The following COMMD10 variants were observed in gnomAD, a reference collection of about 807,000 sequenced individuals.
COMMD10 encodes COMM domain containing 10.
Under a neutral mutation model 28.9 loss-of-function variants are expected in COMMD10, and 33 were observed. The ratio of observed to expected loss-of-function variants is 1.14; its 90% CI spans 0.87 to 1.53. The LOEUF (loss-of-function observed/expected upper bound fraction) is 1.53. Among genes scored for constraint, COMMD10 ranks in the 40% most tolerant of loss-of-function variants. COMMD10 has a pLI of 0.00. For missense variants in COMMD10, 310 were observed against 233.4 expected, an observed-to-expected ratio of 1.33 and a Z score of -2.14; for synonymous variants, 110 against 81.7, an observed-to-expected ratio of 1.35 and a Z score of -1.87.
rs373931132 is a variant in COMMD10, at chr5:116,128,609, AT to A, written c.400-5458del. On this transcript the variant is annotated intron_variant, in intron 4 of 6. Transcript: ENST00000274458. ...TGGTGATTGTCTTATTTGCTTAGTT[AT>A]GAGTCTCAGGAATAATTAAATGGTA... 1.9e-3 allele frequency among the ~76,000 whole-genome samples: 288 copies of A among 152,148 alleles called. 3 individuals are homozygous for A. Among genetic ancestry groups the A allele is most frequent in the African/African-American group, 6.5e-3 (272 of 41,550 alleles).
chr5:116,100,260 T>C (rs1750614069), intron 4 of COMMD10, among the ~76,000 whole-genome samples: 1 of 152,174 alleles, frequency 6.6e-6, no homozygotes. Context: ...TTCATTTTGT[T>C]AAGTTTCCTT....
At chr5:116,222,169 C>G (rs930582491) in intron 5 of COMMD10, among the ~76,000 whole-genome samples, 1 of 152,174 alleles carries the variant, frequency 6.6e-6, no homozygotes, top group Non-Finnish European at 1.5e-5. Context: ...TAACTTCTTA[C>G]TCTCTTCAGT....
intron 5 of COMMD10, among the ~76,000 whole-genome samples, chr5:116,209,363 A>G (rs894229030): frequency 6.6e-6 from 1 of 152,214 alleles, no homozygotes; most frequent in African/African-American, 2.4e-5. Flanking sequence ...CTAACAACAT[A>G]GTTGCCAGTT....
intron 5 of COMMD10, among the ~76,000 whole-genome samples, chr5:116,160,749 A>G (rs994520644): frequency 1.3e-5 from 2 of 152,178 alleles, no homozygotes; most frequent in African/African-American, 2.4e-5. Flanking sequence ...CAGAAATCTC[A>G]TGGCTTTAAT....
chr5:116,139,024 G>C (rs1752116381), intron 5 of COMMD10, among the ~76,000 whole-genome samples: 1 of 151,676 alleles, frequency 6.6e-6, no homozygotes, highest in African/African-American at 2.4e-5. Context: ...GTAAACAGTA[G>C]ACCTAGGATT....
intron 5 of COMMD10, among the ~76,000 whole-genome samples, chr5:116,233,896 A>C (rs1177425790): frequency 1.3e-5 from 2 of 152,204 alleles, no homozygotes; most frequent in African/African-American, 4.8e-5. Context: ...AGGAATTTGC[A>C]TAGAAAATCA....
Position 116,087,599 on chromosome 5 carries a change from T to C in COMMD10, c.132+12T>C. On this transcript the variant is annotated intron_variant, in intron 2 of 6. Coordinates refer to ENST00000274458, the MANE Select transcript of COMMD10 (RefSeq NM_016144.4). ...AACTTCACCTGAAGGTTTGTATTTG[T>C]GTGTTTCCATGCCTTGTAATCTTCC... 6.6e-7 allele frequency: 1 copy of C among 1,520,280 alleles called. No homozygotes were observed. Among genetic ancestry groups the C allele is most frequent in the Non-Finnish European group, 9.1e-7 (1 of 1,094,474 alleles). The allele number at this position is 1,520,280 out of a possible 1,614,324, so 94.2% of individuals were successfully genotyped here.
intron 5 of COMMD10, among the ~76,000 whole-genome samples, chr5:116,244,865 A>G (rs1745647611): frequency 6.6e-6 from 1 of 151,964 alleles, no homozygotes; most frequent in African/African-American, 2.4e-5. Flanking sequence ...CTGAATGCCC[A>G]TATCACAAGT....
chr5:116,258,346 A>T (rs189398713), intron 5 of COMMD10, among the ~76,000 whole-genome samples: 2 of 151,688 alleles, frequency 1.3e-5, no homozygotes, highest in Admixed American at 6.6e-5. Context: ...TTAATTTTAG[A>T]TTATTTCCTT....
intron 4 of COMMD10, among the ~76,000 whole-genome samples, chr5:116,118,816 A>G (rs1203971463): frequency 1.3e-5 from 2 of 152,234 alleles, no homozygotes; most frequent in African/African-American, 2.4e-5. Context: ...CTTTAGATCT[A>G]AGAGACCCTT....
intron 5 of COMMD10, among the ~76,000 whole-genome samples, chr5:116,145,019 A>T (rs1459830204): frequency 6.6e-6 from 1 of 151,872 alleles, no homozygotes; most frequent in Non-Finnish European, 1.5e-5. Flanking sequence ...GAGTGGGAAC[A>T]TTTCACTTGT....
intron 5 of COMMD10, among the ~76,000 whole-genome samples, chr5:116,148,613 G>A (rs535081454): frequency 1.3e-5 from 2 of 151,742 alleles, no homozygotes; most frequent in Admixed American, 1.3e-4. Context: ...AGCCGAAAGG[G>A]ATCTTAAGTG....
At chr5:116,219,720 T>C (rs540273305) in intron 5 of COMMD10, among the ~76,000 whole-genome samples, 2 of 152,336 alleles carry the variant, frequency 1.3e-5, no homozygotes, top group South Asian at 4.1e-4. Flanking sequence ...TTGTAGTAAT[T>C]TGTTTTCAGC....
intron 4 of COMMD10, among the ~76,000 whole-genome samples, chr5:116,103,145 T>C (rs1750722076): frequency 1.3e-5 from 2 of 152,222 alleles, no homozygotes; most frequent in Non-Finnish European, 2.9e-5. Flanking sequence ...TGCATGTGTC[T>C]TTATAGTAGA....
chr5:116,197,828 A>G (rs1748568535), intron 5 of COMMD10, among the ~76,000 whole-genome samples: 1 of 152,202 alleles, frequency 6.6e-6, no homozygotes, highest in East Asian at 1.9e-4. Flanking sequence ...CAGTTCACAT[A>G]AAGAAGTACA....
At chr5:116,096,148 G>A (rs1750460068) in intron 4 of COMMD10, among the ~76,000 whole-genome samples, 1 of 151,874 alleles carries the variant, frequency 6.6e-6, no homozygotes, top group Non-Finnish European at 1.5e-5. Context: ...AAAAAATCCT[G>A]CTTGGGGTAT....
chr5:116,133,972 A>G, intron 4 of COMMD10, 96 bp from the exon 5 acceptor site: 1 of 739,020 alleles, frequency 1.4e-6, no homozygotes, highest in East Asian at 2.6e-5. Context: ...AGCCTAGGCT[A>G]TCCATATACA....
At chr5:116,086,051 C>T (rs1235333960) in intron 1 of COMMD10, among the ~76,000 whole-genome samples, 1 of 152,130 alleles carries the variant, frequency 6.6e-6, no homozygotes, top group African/African-American at 2.4e-5. Context: ...AGCATAGGGG[C>T]TGAAGGGCCC....
chr5:116,158,848 G>GT (rs1223151839), intron 5 of COMMD10, among the ~76,000 whole-genome samples: 4 of 125,094 alleles, frequency 3.2e-5, no homozygotes, highest in Admixed American at 2.2e-4. Flanking sequence ...CTTGCAAACA[G>GT]TTGTTTTTTT....
Sources: gnomAD v4.1 joint callset for allele counts (sites outside exome capture counted in the v4.1 genomes callset) on GRCh38, gnomAD v4.1.1 for gene constraint, MANE v1.5 for transcripts, NCBI Gene and HGNC (gene_info 2026-07-23, HGNC 2026-07-21) for gene names.